The following ZSWIM4 variants were observed in gnomAD, a reference collection of about 807,000 sequenced individuals.
The protein encoded by ZSWIM4 is zinc finger SWIM domain-containing protein 4.
In ZSWIM4, 62 loss-of-function variants were observed where a neutral mutation model predicts 102.5. The ratio of observed to expected loss-of-function variants is 0.60; its 90% confidence interval spans 0.49 to 0.75. The LOEUF is 0.75. Among genes scored for constraint, ZSWIM4 ranks in the 30% least tolerant of loss-of-function variants. The pLI is 0.00. For missense variants in ZSWIM4, 1,280 were observed against 1,529.6 expected (o/e 0.84, Z 2.72); for synonymous variants, 652 against 674.5 (o/e 0.97, Z 0.52).
At position 13,814,689 on chromosome 19, in the gene ZSWIM4, A is replaced by AC; in HGVS notation, c.1360dup (p.Gln454ProfsTer173). 7.8e-7 allele frequency: 1 copy of AC among 1,282,196 alleles called. No homozygotes were observed. Among genetic ancestry groups the AC allele is most frequent in the Non-Finnish European group, 1.0e-6 (1 of 984,132 alleles). 79.4% of individuals were successfully genotyped at this position (1,282,196 alleles called of 1,614,324 possible). A position where few individuals can be genotyped will look rare whatever the true frequency, so the allele number is the denominator to read the frequency against. On this transcript the variant is annotated frameshift_variant, in exon 7 of 14. Transcript: ENST00000590508. LOFTEE classifies it high-confidence loss of function. ...GTGGGTGGGGACAAACCGACTTTCG[A>AC]CCCCCAGGGCCGCCCACTGTGGCTG...
chr19:13,829,698 C>T (rs369360571), intron 13 of ZSWIM4, among the ~76,000 whole-genome samples: 60 of 148,978 alleles, frequency 4.0e-4, no homozygotes, highest in African/African-American at 1.5e-3. Flanking sequence ...GGTGGTGGGC[C>T]CCTGTAGTCC....
At chr19:13,807,591 G>A (rs1360907176) in intron 3 of ZSWIM4, among the ~76,000 whole-genome samples, 2 of 151,584 alleles carry the variant, frequency 1.3e-5, no homozygotes, top group African/African-American at 2.4e-5. Flanking sequence ...TGGATGGATG[G>A]ATGGATGGAT....
intron 6 of ZSWIM4, among the ~76,000 whole-genome samples, chr19:13,813,386 T>C (rs1487602897): frequency 2.0e-5 from 3 of 151,988 alleles, no homozygotes; most frequent in Non-Finnish European, 4.4e-5. Flanking sequence ...GCAAGTGAAG[T>C]AAAATGCTTA....
At chr19:13,804,696 G>C (rs1599584642) in intron 2 of ZSWIM4, 96 bp from the exon 3 acceptor site, 1 of 958,422 alleles carries the variant, frequency 1.0e-6, no homozygotes, top group East Asian at 2.4e-5. Flanking sequence ...CTAGTGAAGT[G>C]ACTCGGCTGG....
chr19:13,824,335 G>T (rs1041478425), intron 11 of ZSWIM4, among the ~76,000 whole-genome samples: 2 of 152,124 alleles, frequency 1.3e-5, no homozygotes, highest in Non-Finnish European at 1.5e-5. Flanking sequence ...GCTGAGGCGG[G>T]CAAATCACTT....
In ZSWIM4 at chr19:13,809,474, C is replaced by T. The variant is rs898779064; in HGVS notation, c.1012+254C>T. The stretch of plus-strand genomic sequence containing the variant: ...AATGTCATTGGCCCAGGGGTTGATA[C>T]ACACGTACACACGTTTTCTTTGTTT... On this transcript the variant is annotated intron_variant, in intron 5 of 13. Coordinates refer to ENST00000590508, the MANE Select transcript of ZSWIM4 (RefSeq NM_001367834.3). This position sits in a 1 kb window ranked among gnomAD's most constrained non-coding sequence, Gnocchi z 4.2. Among the ~76,000 whole-genome samples, 10 of 152,194 alleles carry T rather than the reference C, an allele frequency of 6.6e-5. No individual in the cohort carries two copies. Among genetic ancestry groups the T allele is most frequent in the African/African-American group, 1.9e-4 (8 of 41,456 alleles).
intron 8 of ZSWIM4, 139 bp from the exon 9 acceptor site, chr19:13,817,583 C>G: frequency 8.4e-7 from 1 of 1,191,046 alleles, no homozygotes; most frequent in Non-Finnish European, 1.2e-6. Flanking sequence ...CGCGCTCCCC[C>G]AACCCCGTGA....
intron 13 of ZSWIM4, among the ~76,000 whole-genome samples, chr19:13,829,683 G>T (rs1975703105): frequency 6.6e-6 from 1 of 152,010 alleles, no homozygotes; most frequent in Non-Finnish European, 1.5e-5. Context: ...AAACTAGCTG[G>T]GCGTGGTGGT....
rs1286636849 is a variant in ZSWIM4, at chr19:13,819,373, C to A, written c.1941C>A (p.Gly647=). Residue 647 remains glycine, a synonymous_variant, in exon 10 of 14, where the codon GGC becomes GGA. Coordinates refer to ENST00000590508, the MANE Select transcript of ZSWIM4 (RefSeq NM_001367834.3). ...GLLLEGGPFS[G]FGEVLFRESV... is the part of the protein sequence containing the mutation. Reference sequence around the variant, plus strand: ...TTCCTGCAGGGGGTCCCTTCAGTGGCTTTGGGGAGGTGCTGTTCCGGGAGA... The same window carrying A: ...TTCCTGCAGGGGGTCCCTTCAGTGGATTTGGGGAGGTGCTGTTCCGGGAGA... 3 of 1,613,818 alleles carry A rather than the reference C, an allele frequency of 1.9e-6. No homozygotes were observed. Among genetic ancestry groups the A allele is most frequent in the Non-Finnish European group, 2.5e-6 (3 of 1,179,940 alleles).
chr19:13,799,038 C>T lies in ZSWIM4; in HGVS notation c.154-682C>T, dbSNP rs190601062. On this transcript the variant is annotated intron_variant, in intron 1 of 13. Coordinates refer to ENST00000590508, the MANE Select transcript of ZSWIM4 (RefSeq NM_001367834.3). ...TCCTGGACTCAAGTGCACCAACTGC[C>T]TTGGCCTCCCAAAATGCTAGAATTG... is the stretch of plus-strand genomic sequence containing the variant. Among the ~76,000 whole-genome samples, 98 of 152,186 alleles carry T rather than the reference C, an allele frequency of 6.4e-4. No individual in the cohort carries two copies. The East Asian group carries it at 0.014, about 22-fold the overall frequency.
In ZSWIM4 at chr19:13,814,457, C is replaced by T. The variant is rs182494118; in HGVS notation, c.1181-58C>T. The T allele has an allele frequency of 3.0e-4, 299 of 993,348 alleles. 1 individual carries two copies. Among genetic ancestry groups the T allele is most frequent in the Non-Finnish European group, 3.2e-4 (251 of 791,984 alleles). The allele number at this position is 993,348 out of a possible 1,614,324, so 61.5% of individuals were successfully genotyped here. ...AGTACTTGGTGGGAAAAGCTGGACA[C>T]GGCTCAACTGCTATAGGGACCCCCC... is the stretch of plus-strand genomic sequence containing the variant. On this transcript the variant is annotated intron_variant, in intron 6 of 13. Transcript: ENST00000590508.
At chr19:13,820,119 G>A (rs964800528) in intron 10 of ZSWIM4, among the ~76,000 whole-genome samples, 3 of 151,820 alleles carry the variant, frequency 2.0e-5, no homozygotes, top group Non-Finnish European at 4.4e-5. Context: ...ATGTTGTCTC[G>A]AACTCCTGAC....
chr19:13,823,921 G>A (rs1975535589), intron 11 of ZSWIM4, among the ~76,000 whole-genome samples: 1 of 152,186 alleles, frequency 6.6e-6, no homozygotes, highest in African/African-American at 2.4e-5. Flanking sequence ...CTGTAGGCTA[G>A]AAGTCTAAGA....
intron 1 of ZSWIM4, among the ~76,000 whole-genome samples, chr19:13,798,474 A>T (rs1215965024): frequency 6.6e-6 from 1 of 151,726 alleles, no homozygotes; most frequent in Non-Finnish European, 1.5e-5. Context: ...CTTTTTTCTA[A>T]CTTCTTCCTG....
chr19:13,818,811 G>T lies in ZSWIM4; in HGVS notation c.1925-546G>T, dbSNP rs528720392. Among the ~76,000 whole-genome samples, 9 of 149,900 alleles carry T rather than the reference G, an allele frequency of 6.0e-5. No homozygotes were observed. In the South Asian group the frequency reaches 1.7e-3, roughly 28 times the overall value. On this transcript the variant is annotated intron_variant, in intron 9 of 13. Coordinates refer to ENST00000590508, the MANE Select transcript of ZSWIM4 (RefSeq NM_001367834.3). ...ACTCCTGACCTCAAGTGATCTGCCC[G>T]CCTCGGCCTCCCAAAGTGCTGGGAT... is the stretch of plus-strand genomic sequence containing the variant.
At position 13,817,917 on chromosome 19, in the gene ZSWIM4, T is replaced by C; in HGVS notation, c.1865T>C (p.Val622Ala). ...EEQLLALLEE[V>A]ELDERLVQVL... ...CAGCTGCTGGCCCTGCTGGAGGAGG[T>C]GGAGTTGGATGAGCGGTTGGTGCAG... Residue 622 changes from valine (V) to alanine (A), a missense_variant, in exon 9 of 14, where the codon GTG (valine) becomes GCG (alanine). By Grantham distance (64) the Val-to-Ala change is moderately conservative (BLOSUM62 0). Coordinates refer to ENST00000590508, the MANE Select transcript of ZSWIM4 (RefSeq NM_001367834.3). The C allele has an allele frequency of 6.5e-7, 1 of 1,545,992 alleles. No individual in the cohort carries two copies. Among genetic ancestry groups the C allele is most frequent in the Non-Finnish European group, 8.7e-7 (1 of 1,144,464 alleles).
chr19:13,802,855 A>C (rs1974810995), intron 2 of ZSWIM4, among the ~76,000 whole-genome samples: 1 of 152,194 alleles, frequency 6.6e-6, no homozygotes, highest in South Asian at 2.1e-4. Context: ...CTGGGATTAC[A>C]GGCGTGACCC....
In ZSWIM4 at chr19:13,814,678, A is replaced by G; in HGVS notation, c.1344A>G (p.Lys448=). 7.8e-7 allele frequency: 1 copy of G among 1,282,464 alleles called. No individual in the cohort carries two copies. The highest frequency in any genetic ancestry group is 1.0e-6 in the Non-Finnish European group (1 of 984,056). The allele number at this position is 1,282,464 out of a possible 1,614,324, so 79.4% of individuals were successfully genotyped here. The change falls in exon 7 of 14, where the codon AAA becomes AAG. Residue 448 remains lysine (K), a synonymous_variant. Coordinates refer to ENST00000590508, the MANE Select transcript of ZSWIM4 (RefSeq NM_001367834.3). ...PSLTGSVGGD[K]PTFDPQGRPL... ...TCACAGGCAGCGTGGGTGGGGACAAACCGACTTTCGACCCCCAGGGCCGCC... is the reference window on the plus strand; with the variant it reads ...TCACAGGCAGCGTGGGTGGGGACAAGCCGACTTTCGACCCCCAGGGCCGCC...
At chr19:13,813,200 A>G (rs765012928) in intron 6 of ZSWIM4, 36 bp downstream of exon 6, 32 of 1,535,964 alleles carry the variant, frequency 2.1e-5, no homozygotes, top group African/African-American at 4.1e-5. Context: ...CCCCCCAAAA[A>G]CCATCACCAC....
Sources: gnomAD v4.1 joint callset for allele counts (sites outside exome capture counted in the v4.1 genomes callset) on GRCh38, gnomAD v4.1.1 for gene constraint, Gnocchi (gnomAD v3.1) non-coding constraint, MANE v1.5 for transcripts, NCBI Gene and HGNC (gene_info 2026-07-23, HGNC 2026-07-21) for gene names.